CUX2: variants seen among roughly 807,000 people sequenced by gnomAD.
CUX2 encodes homeobox protein cut-like 2.
In CUX2, 40 loss-of-function variants were observed where a neutral mutation model predicts 144.8. The ratio of observed to expected loss-of-function variants is 0.28; its 90% CI spans 0.21 to 0.36. CUX2 has a LOEUF of 0.36. Among genes scored for constraint, CUX2 ranks in the 10% least tolerant of loss-of-function variants. The pLI, the probability that CUX2 is intolerant of heterozygous loss-of-function variation, is 1.00. For missense variants in CUX2, 1,615 were observed against 1,994.0 expected (o/e 0.81, Z 3.62); for synonymous variants, 827 against 875.6 (o/e 0.94, Z 0.98).
rs1477779630 is a variant in CUX2 at position 111,289,619 on chromosome 12, G to A, written c.302-1799G>A. On this transcript the variant is annotated intron_variant, in intron 4 of 21. Transcript: ENST00000261726. The surrounding 1 kb of genome is among the most constrained non-coding windows in gnomAD (Gnocchi z 4.1). ...GTGTAAGGAAGCGGATGTGCTTGCG[G>A]TGTAAAGGGCTGGGAGAGGGAACCG... 1.3e-5 allele frequency among the ~76,000 whole-genome samples: 2 copies of A among 152,190 alleles called. No individual in the cohort carries two copies. The highest frequency in any genetic ancestry group is 1.5e-5 in the Non-Finnish European group (1 of 68,032).
rs548694020 is a variant in CUX2 at position 111,039,751 on chromosome 12, T to C, written c.63+5511T>C. ...TTTGCAGTGTTGACCAGGCTGGTCTTGAAGTCCTGACCTCAAATGATCCAC... is the reference window on the plus strand; with the variant it reads ...TTTGCAGTGTTGACCAGGCTGGTCTCGAAGTCCTGACCTCAAATGATCCAC... On this transcript the variant is annotated intron_variant, in intron 1 of 21. Coordinates refer to ENST00000261726, the MANE Select transcript of CUX2 (RefSeq NM_015267.4). The surrounding 1 kb of genome is among the most constrained non-coding windows in gnomAD (Gnocchi z 4.2). Among the ~76,000 whole-genome samples the C allele has an allele frequency of 4.6e-5, 7 of 152,142 alleles. No individual in the cohort carries two copies. Among genetic ancestry groups the C allele is most frequent in the Non-Finnish European group, 7.4e-5 (5 of 68,020 alleles).
chr12:111,034,812 C>G lies in CUX2; in HGVS notation c.63+572C>G, dbSNP rs998222728. On this transcript the variant is annotated intron_variant, in intron 1 of 21. Transcript: ENST00000261726. This position sits in a 1 kb window ranked among gnomAD's most constrained non-coding sequence, Gnocchi z 4.2. ...GCCCCGCCGCTCGCCGGCACCTCAG[C>G]CTTCGCCGCCCGCCTGGCTGCGCAG... is the stretch of plus-strand genomic sequence containing the variant. Among the ~76,000 whole-genome samples, 1 of 149,178 alleles carries G rather than the reference C, an allele frequency of 6.7e-6. No homozygotes were observed. The highest frequency in any genetic ancestry group is 1.5e-5 in the Non-Finnish European group (1 of 66,770).
intron 1 of CUX2, among the ~76,000 whole-genome samples, chr12:111,124,641 CT>C (rs1566237699): frequency 6.6e-6 from 1 of 151,724 alleles, no homozygotes; most frequent in East Asian, 1.9e-4. Flanking sequence ...TTTTCTTTTT[CT>C]TTTTCGACTT....
chr12:111,136,436 C>T (rs1029041606), intron 1 of CUX2, among the ~76,000 whole-genome samples: 1 of 152,092 alleles, frequency 6.6e-6, no homozygotes, highest in African/African-American at 2.4e-5. Flanking sequence ...CTGCATTGAC[C>T]TCGCCAGACC....
chr12:111,112,100 G>T (rs1874009600), intron 1 of CUX2, among the ~76,000 whole-genome samples: 1 of 152,190 alleles, frequency 6.6e-6, no homozygotes, highest in African/African-American at 2.4e-5. Flanking sequence ...CAGGACTTGG[G>T]TGAGGGATCG....
Position 111,296,402 on chromosome 12 carries a change from CCA to C in CUX2, c.638-69_638-68del, listed in dbSNP as rs1885993409. ...CTGGGCTTCGCAGAAGGAGTGGGCT[CCA>C]CCTCCCTGGGAGACCCAGCTCCTTC... On this transcript the variant is annotated intron_variant, in intron 7 of 21. Coordinates refer to ENST00000261726, the MANE Select transcript of CUX2 (RefSeq NM_015267.4). 49 of 1,418,164 alleles carry C rather than the reference CCA, an allele frequency of 3.5e-5. No individual in the cohort carries two copies. The South Asian group carries it at 6.0e-4, about 18-fold the overall frequency. The allele number at this position is 1,418,164 out of a possible 1,614,324, so 87.8% of individuals were successfully genotyped here. A position where few individuals can be genotyped will look rare whatever the true frequency, so the allele number is the denominator to read the frequency against.
intron 3 of CUX2, among the ~76,000 whole-genome samples, chr12:111,251,029 C>T (rs149063430): frequency 8.4e-4 from 127 of 152,016 alleles, no homozygotes; most frequent in African/African-American, 2.9e-3. Context: ...TACCCAAAAG[C>T]GAAATTTATT....
intron 1 of CUX2, among the ~76,000 whole-genome samples, chr12:111,166,316 C>T (rs541964879): frequency 2.6e-5 from 4 of 152,354 alleles, no homozygotes; most frequent in Admixed American, 1.3e-4. Flanking sequence ...GCCACTACGC[C>T]CAGCCTGCGA....
At chr12:111,296,628 C>T (rs1296075922) in intron 8 of CUX2, 89 bp downstream of exon 8, 5 of 1,231,934 alleles carry the variant, frequency 4.1e-6, no homozygotes, top group Non-Finnish European at 5.8e-6. Context: ...TTGCCTCCTC[C>T]CTCTGACCCT....
At chr12:111,158,037 C>G (rs1006409430) in intron 1 of CUX2, among the ~76,000 whole-genome samples, 2 of 152,096 alleles carry the variant, frequency 1.3e-5, no homozygotes, top group African/African-American at 2.4e-5. Flanking sequence ...GAGAGATGTG[C>G]AAAGGACCAA....
chr12:111,269,920 T>G (rs1884558819), intron 4 of CUX2, among the ~76,000 whole-genome samples: 1 of 152,318 alleles, frequency 6.6e-6, no homozygotes, highest in South Asian at 2.1e-4. Flanking sequence ...TGTCACCGAC[T>G]TAGAGAACAA....
intron 1 of CUX2, among the ~76,000 whole-genome samples, chr12:111,143,063 C>A (rs1170019537): frequency 2.0e-5 from 3 of 152,212 alleles, no homozygotes; most frequent in Admixed American, 2.0e-4. Context: ...TGCCCACTGT[C>A]TTTGCACTTT....
intron 1 of CUX2, among the ~76,000 whole-genome samples, chr12:111,122,278 G>A (rs557397134): frequency 1.4e-4 from 21 of 152,136 alleles, no homozygotes; most frequent in African/African-American, 4.8e-4. Context: ...TTTCATTACC[G>A]AGGAATAAGA....
chr12:111,121,611 C>T (rs964748837), intron 1 of CUX2, among the ~76,000 whole-genome samples: 9 of 152,024 alleles, frequency 5.9e-5, no homozygotes, highest in Admixed American at 1.3e-4. Flanking sequence ...ATCCGCCCAT[C>T]TCTGCCTCCC....
chr12:111,319,630 G>A (rs981120312), intron 16 of CUX2, among the ~76,000 whole-genome samples: 4 of 152,350 alleles, frequency 2.6e-5, no homozygotes, highest in African/African-American at 7.2e-5. Context: ...TACTCAGGAG[G>A]CTGAGGTAGG....
intron 1 of CUX2, among the ~76,000 whole-genome samples, chr12:111,168,205 T>C (rs1292849267): frequency 1.3e-5 from 2 of 152,154 alleles, no homozygotes; most frequent in African/African-American, 4.8e-5. Flanking sequence ...GCAACCCAGT[T>C]TGTGGCTCCT....
chr12:111,286,247 G>T (rs1885373728), intron 4 of CUX2, among the ~76,000 whole-genome samples: 1 of 152,172 alleles, frequency 6.6e-6, no homozygotes, highest in Non-Finnish European at 1.5e-5. Flanking sequence ...GGCCCACCCT[G>T]TGCCTGGCAC....
intron 3 of CUX2, among the ~76,000 whole-genome samples, chr12:111,240,767 G>T (rs1250667916): frequency 6.6e-6 from 1 of 152,130 alleles, no homozygotes; most frequent in Non-Finnish European, 1.5e-5. Flanking sequence ...TGCACCTCCT[G>T]GACTTAGCTA....
At chr12:111,141,598 C>G (rs1444809055) in intron 1 of CUX2, among the ~76,000 whole-genome samples, 1 of 152,134 alleles carries the variant, frequency 6.6e-6, no homozygotes, top group Non-Finnish European at 1.5e-5. Flanking sequence ...GAGGGAGTGA[C>G]TTTTCCCCCA....
Sources: gnomAD v4.1 joint callset for allele counts (sites outside exome capture counted in the v4.1 genomes callset) on GRCh38, gnomAD v4.1.1 for gene constraint, Gnocchi (gnomAD v3.1) non-coding constraint, MANE v1.5 for transcripts, NCBI Gene and HGNC (gene_info 2026-07-23, HGNC 2026-07-21) for gene names.